ENOX1: variants seen among roughly 807,000 people sequenced by gnomAD.
The protein encoded by ENOX1 is candidate growth-related and time keeping constitutive hydroquinone (NADH) oxidase.
ENOX1 carries 42 observed loss-of-function variants against 82.5 expected under a neutral mutation model. The ratio of observed to expected loss-of-function variants is 0.51; its 90% CI spans 0.40 to 0.66. The LOEUF is 0.66. ENOX1 is among the 30% of genes least tolerant of loss of function. The pLI is 0.00. For missense variants in ENOX1, 608 were observed against 811.6 expected (o/e 0.75, Z 3.05); for synonymous variants, 271 against 282.2 (o/e 0.96, Z 0.40).
chr13:43,517,875 C>G (rs1318473974), intron 2 of ENOX1, among the ~76,000 whole-genome samples: 1 of 152,130 alleles, frequency 6.6e-6, no homozygotes, highest in Non-Finnish European at 1.5e-5. Flanking sequence ...AAGCTGCCAT[C>G]TATGAACAAC....
At position 43,692,406 on chromosome 13, in the gene ENOX1, C is replaced by T. The variant is rs185272907; in HGVS notation, c.-284-24862G>A. The stretch of plus-strand genomic sequence containing the variant: ...CAAGTATAATTGTAAAAGCCAGAAA[C>T]TATAAGGATTGATACATTTGATTGC... On this transcript the variant is annotated intron_variant, in intron 1 of 16. Transcript: ENST00000690772. Among the ~76,000 whole-genome samples, 14 of 151,974 alleles carry T rather than the reference C, an allele frequency of 9.2e-5. No individual in the cohort carries two copies. In the East Asian group the frequency reaches 2.7e-3, roughly 29 times the overall value.
intron 1 of ENOX1, among the ~76,000 whole-genome samples, chr13:43,725,802 CAAAAAA>C (rs753589184): frequency 1.0e-5 from 1 of 97,376 alleles, no homozygotes. Flanking sequence ...CTCGTCTCTA[CAAAAAA>C]AAAAAAAAAG....
chr13:43,668,750 C>T (rs1463694204), intron 1 of ENOX1, among the ~76,000 whole-genome samples: 2 of 152,116 alleles, frequency 1.3e-5, no homozygotes, highest in Admixed American at 1.3e-4. Flanking sequence ...TACTGGTACA[C>T]ACTTAGAAAG....
intron 1 of ENOX1, among the ~76,000 whole-genome samples, chr13:43,774,839 A>G (rs1951823621): frequency 6.6e-6 from 1 of 152,086 alleles, no homozygotes; most frequent in Non-Finnish European, 1.5e-5. Context: ...GCCACAAGCA[A>G]TCTTTCTTTT....
intron 1 of ENOX1, among the ~76,000 whole-genome samples, chr13:43,690,259 A>C (rs1225913639): frequency 4.1e-3 from 1 of 242 alleles, no homozygotes; most frequent in Non-Finnish European, 0.023. Flanking sequence ...TAAATAAGTT[A>C]AAAAAAAAAA....
chr13:43,620,337 T>G (rs2082669289), intron 2 of ENOX1, among the ~76,000 whole-genome samples: 1 of 152,124 alleles, frequency 6.6e-6, no homozygotes, highest in Non-Finnish European at 1.5e-5. Flanking sequence ...AGTATGACCT[T>G]AGAATGTCAG....
chr13:43,287,557 A>G (rs1448987822), intron 12 of ENOX1, among the ~76,000 whole-genome samples: 1 of 152,206 alleles, frequency 6.6e-6, no homozygotes. Flanking sequence ...AGCTGAAGTC[A>G]CATTTTCCTT....
chr13:43,742,131 T>C (rs1341049223), intron 1 of ENOX1, among the ~76,000 whole-genome samples: 1 of 152,118 alleles, frequency 6.6e-6, no homozygotes, highest in Non-Finnish European at 1.5e-5. Flanking sequence ...GCTATTATCA[T>C]AAATCATGTA....
rs11327997 is a variant in ENOX1 at position 43,766,961 on chromosome 13, TAA to T, written c.-285+19689_-285+19690del. The stretch of plus-strand genomic sequence containing the variant: ...ATGGTGCCAAAATGAATGTCTCTCT[TAA>T]AAAAAAAAAAATTGCCCAATTGAAA... On this transcript the variant is annotated intron_variant, in intron 1 of 16. Transcript: ENST00000690772. 2.5e-3 allele frequency among the ~76,000 whole-genome samples: 376 copies of T among 149,158 alleles called. 2 individuals carry two copies. The highest frequency in any genetic ancestry group is 0.02 in the East Asian group (103 of 5,100).
intron 15 of ENOX1, among the ~76,000 whole-genome samples, chr13:43,233,004 A>G (rs2042359335): frequency 3.9e-5 from 6 of 152,218 alleles, no homozygotes; most frequent in Admixed American, 3.9e-4. Flanking sequence ...CACAGCTCCC[A>G]AACTTTGGCC....
At chr13:43,755,081 TAAA>T (rs34738406) in intron 1 of ENOX1, among the ~76,000 whole-genome samples, 18 of 147,444 alleles carry the variant, frequency 1.2e-4, no homozygotes, top group Admixed American at 1.3e-4. Flanking sequence ...CTCAGGAGAT[TAAA>T]AAAAAAAAAA....
intron 9 of ENOX1, among the ~76,000 whole-genome samples, chr13:43,333,303 T>C (rs1174707684): frequency 6.6e-6 from 1 of 152,224 alleles, no homozygotes; most frequent in African/African-American, 2.4e-5. Flanking sequence ...CTCTTACCCT[T>C]TGCCAACAGT....
At chr13:43,733,935 G>C (rs936764649) in intron 1 of ENOX1, among the ~76,000 whole-genome samples, 1 of 151,984 alleles carries the variant, frequency 6.6e-6, no homozygotes, top group Non-Finnish European at 1.5e-5. Flanking sequence ...ATACAGCCTG[G>C]GTGCCAGAGT....
intron 1 of ENOX1, among the ~76,000 whole-genome samples, chr13:43,760,320 T>C (rs78888045): frequency 0.015 from 2,243 of 152,306 alleles, 51 homozygotes; most frequent in African/African-American, 0.049. Context: ...ATCACTAAAA[T>C]AGACAAATGA....
intron 9 of ENOX1, among the ~76,000 whole-genome samples, chr13:43,340,475 T>C (rs1278409177): frequency 6.6e-6 from 1 of 152,166 alleles, no homozygotes; most frequent in Non-Finnish European, 1.5e-5. Context: ...AGAATCAAAT[T>C]ACAGGGCTAA....
At chr13:43,570,261 G>A (rs2080118278) in intron 2 of ENOX1, among the ~76,000 whole-genome samples, 1 of 152,158 alleles carries the variant, frequency 6.6e-6, no homozygotes, top group South Asian at 2.1e-4. Context: ...TGGGAAATCT[G>A]GGCTTAGAGT....
At chr13:43,777,023 A>G (rs1314811960) in intron 1 of ENOX1, among the ~76,000 whole-genome samples, 1 of 152,228 alleles carries the variant, frequency 6.6e-6, no homozygotes, top group Non-Finnish European at 1.5e-5. Context: ...AATGCTGGTG[A>G]AAGGAAGAGG....
At chr13:43,556,063 T>TACCAA (rs1262073241) in intron 2 of ENOX1, among the ~76,000 whole-genome samples, 1 of 152,190 alleles carries the variant, frequency 6.6e-6, no homozygotes, top group Non-Finnish European at 1.5e-5. Flanking sequence ...AGAACTTCGA[T>TACCAA]ACCAATGAAT....
chr13:43,540,888 C>T lies in ENOX1; in HGVS notation c.-218-56736G>A, dbSNP rs573619071. On this transcript the variant is annotated intron_variant, in intron 2 of 16. Transcript: ENST00000690772. ...ACAGAAGCAGATAGCTTTGAGATGC[C>T]TCTGAGGGTGGAATCAACAGCACAT... Among the ~76,000 whole-genome samples the T allele has an allele frequency of 3.9e-4, 59 of 152,166 alleles. No homozygotes were observed. The South Asian group carries it at 0.012, about 31-fold the overall frequency.
Sources: allele counts gnomAD v4.1 joint callset (sites outside exome capture counted in the v4.1 genomes callset), GRCh38; gene constraint gnomAD v4.1.1; transcripts MANE v1.5; gene names NCBI Gene and HGNC (gene_info 2026-07-23, HGNC 2026-07-21).